EFNA5: variants seen among roughly 807,000 people sequenced by gnomAD.
EFNA5 encodes the protein ephrin A5.
Under a neutral mutation model 22.9 loss-of-function variants are expected in EFNA5, and 5 were observed. The ratio of observed to expected loss-of-function variants is 0.22; its 90% CI spans 0.11 to 0.46. EFNA5 has a LOEUF of 0.46. Ranked by LOEUF, EFNA5 falls within the 20% of genes least tolerant of loss-of-function variation. EFNA5 has a pLI of 0.99. For synonymous variants in EFNA5, 113 were observed against 112.2 expected (o/e 1.01, Z -0.04); for missense variants, 237 against 293.3 (o/e 0.81, Z 1.40).
At position 107,609,622 on chromosome 5, in the gene EFNA5, C is replaced by A. The variant is rs566321075; in HGVS notation, c.125+60867G>T. Among the ~76,000 whole-genome samples the A allele has an allele frequency of 5.9e-4, 90 of 152,264 alleles. 2 individuals are homozygous for A. The Middle Eastern group carries it at 0.017, about 29-fold the overall frequency. On this transcript the variant is annotated intron_variant, in intron 1 of 4. Coordinates refer to ENST00000333274, the MANE Select transcript of EFNA5 (RefSeq NM_001962.3). Reference sequence around the variant, plus strand: ...GAGCTGGAGGCTGCACCACCAAAGTCGCCTCACCCTGCGTCCACCACTCCA... The same window carrying A: ...GAGCTGGAGGCTGCACCACCAAAGTAGCCTCACCCTGCGTCCACCACTCCA...
intron 1 of EFNA5, among the ~76,000 whole-genome samples, chr5:107,506,710 A>C (rs1364477126): frequency 6.6e-6 from 1 of 152,222 alleles, no homozygotes; most frequent in African/African-American, 2.4e-5. Flanking sequence ...CATGATCAGA[A>C]GAGCAAGGCA....
chr5:107,411,135 C>T (rs986285024), intron 2 of EFNA5, among the ~76,000 whole-genome samples: 1 of 152,116 alleles, frequency 6.6e-6, no homozygotes, highest in Non-Finnish European at 1.5e-5. Context: ...GTACAACACA[C>T]TAGAAATATA....
chr5:107,656,225 AGAG>A (rs1750818519), intron 1 of EFNA5, among the ~76,000 whole-genome samples: 1 of 152,214 alleles, frequency 6.6e-6, no homozygotes, highest in African/African-American at 2.4e-5. Flanking sequence ...AGACAAACTG[AGAG>A]GAGAAGGGAG....
chr5:107,549,725 G>A (rs647453), intron 1 of EFNA5, among the ~76,000 whole-genome samples: 324 of 152,386 alleles, frequency 2.1e-3, no homozygotes, highest in African/African-American at 7.4e-3. Flanking sequence ...ATGCCTCTGC[G>A]TAGGGATGTC....
At chr5:107,504,855 T>C (rs1230531492) in intron 1 of EFNA5, among the ~76,000 whole-genome samples, 1 of 152,230 alleles carries the variant, frequency 6.6e-6, no homozygotes, top group Non-Finnish European at 1.5e-5. Flanking sequence ...CTAATTATTT[T>C]ATTTTAAAAT....
chr5:107,612,755 T>C (rs1276533752), intron 1 of EFNA5, among the ~76,000 whole-genome samples: 1 of 152,134 alleles, frequency 6.6e-6, no homozygotes, highest in Non-Finnish European at 1.5e-5. Flanking sequence ...GTCACTGTAT[T>C]AATACAGGGA....
chr5:107,651,234 G>A (rs750216858), intron 1 of EFNA5, among the ~76,000 whole-genome samples: 8 of 152,086 alleles, frequency 5.3e-5, no homozygotes, highest in Non-Finnish European at 1.2e-4. Context: ...TTTCTCAGCA[G>A]CAAAACAAGA....
intron 1 of EFNA5, among the ~76,000 whole-genome samples, chr5:107,471,377 C>T (rs1750137422): frequency 6.6e-6 from 1 of 152,110 alleles, no homozygotes; most frequent in Non-Finnish European, 1.5e-5. Flanking sequence ...CTTCATAGCC[C>T]ACCAAGATCT....
chr5:107,646,580 T>A (rs1293181548), intron 1 of EFNA5, among the ~76,000 whole-genome samples: 1 of 152,174 alleles, frequency 6.6e-6, no homozygotes, highest in South Asian at 2.1e-4. Flanking sequence ...TACTAGTTCT[T>A]CCTTTTACAA....
At chr5:107,544,858 TTAAG>T (rs1320512350) in intron 1 of EFNA5, among the ~76,000 whole-genome samples, 2 of 152,146 alleles carry the variant, frequency 1.3e-5, no homozygotes, top group Admixed American at 6.6e-5. Context: ...CTGAAAAAAA[TTAAG>T]TAACTTTCTC....
intron 2 of EFNA5, among the ~76,000 whole-genome samples, chr5:107,407,705 T>C (rs1355854455): frequency 6.6e-6 from 1 of 152,232 alleles, no homozygotes; most frequent in Non-Finnish European, 1.5e-5. Flanking sequence ...AACAGTTTAG[T>C]TGAACTTTTT....
intron 1 of EFNA5, among the ~76,000 whole-genome samples, chr5:107,657,452 C>T (rs1198240310): frequency 6.6e-6 from 1 of 152,102 alleles, no homozygotes; most frequent in Non-Finnish European, 1.5e-5. Context: ...GTTTACACCA[C>T]AGTGAACATA....
At chr5:107,414,119 C>A in intron 2 of EFNA5, among the ~76,000 whole-genome samples, 1 of 152,228 alleles carries the variant, frequency 6.6e-6, no homozygotes, top group East Asian at 1.9e-4. Context: ...AGCTGGAGGG[C>A]TTATTAAAAA....
intron 1 of EFNA5, among the ~76,000 whole-genome samples, chr5:107,665,163 A>G (rs1453909812): frequency 6.6e-6 from 1 of 152,178 alleles, no homozygotes; most frequent in African/African-American, 2.4e-5. Context: ...CAAAGGCCAG[A>G]ACTCCTGAAG....
Position 107,643,115 on chromosome 5 carries a change from TTTCTC to T in EFNA5, c.125+27369_125+27373del, listed in dbSNP as rs1298586487. The stretch of plus-strand genomic sequence containing the variant: ...AAAAACAACAGGAGGCAACAGCACA[TTTCTC>T]TTCTAACACGGATGCCCCTGCACCG... On this transcript the variant is annotated intron_variant, in intron 1 of 4. Coordinates refer to ENST00000333274, the MANE Select transcript of EFNA5 (RefSeq NM_001962.3). Among the ~76,000 whole-genome samples the T allele has an allele frequency of 3.3e-5, 5 of 152,208 alleles. No homozygotes were observed. In the East Asian group the frequency reaches 9.7e-4, roughly 29 times the overall value.
chr5:107,526,222 T>G (rs149807635), intron 1 of EFNA5, among the ~76,000 whole-genome samples: 102 of 152,344 alleles, frequency 6.7e-4, no homozygotes, highest in African/African-American at 2.3e-3. Flanking sequence ...AGATTCAAGA[T>G]TCTGGATTTT....
intron 1 of EFNA5, among the ~76,000 whole-genome samples, chr5:107,545,043 A>G (rs941809687): frequency 6.6e-6 from 1 of 152,240 alleles, no homozygotes; most frequent in Non-Finnish European, 1.5e-5. Context: ...ATAACCGACA[A>G]CATCTAAAAG....
chr5:107,519,504 T>C (rs965656388), intron 1 of EFNA5, among the ~76,000 whole-genome samples: 50 of 152,194 alleles, frequency 3.3e-4, no homozygotes, highest in Non-Finnish European at 1.8e-4. Flanking sequence ...AAAGCCCTGT[T>C]CAGAATTTCT....
At chr5:107,620,048 T>G (rs1337351782) in intron 1 of EFNA5, among the ~76,000 whole-genome samples, 2 of 152,204 alleles carry the variant, frequency 1.3e-5, no homozygotes, top group Non-Finnish European at 2.9e-5. Context: ...TCAGTGAGCT[T>G]CTCAGATAGG....
Sources: allele counts gnomAD v4.1 joint callset (sites outside exome capture counted in the v4.1 genomes callset), GRCh38; gene constraint gnomAD v4.1.1; transcripts MANE v1.5; gene names NCBI Gene and HGNC (gene_info 2026-07-23, HGNC 2026-07-21).